CAB39: variants seen among roughly 807,000 people sequenced by gnomAD.
CAB39 encodes calcium-binding protein 39.
Under a neutral mutation model 40.0 loss-of-function variants are expected in CAB39, and 8 were observed. That is an observed-to-expected ratio of 0.20 (90% CI 0.12 to 0.36). The LOEUF is 0.36. CAB39 is among the 10% of genes least tolerant of loss of function. The probability of loss-of-function intolerance (pLI) is 1.00; values close to 1 mark genes in which losing one functional copy is unlikely to be tolerated. For synonymous variants in CAB39, 156 were observed against 141.6 expected, an observed-to-expected ratio of 1.10 and a Z score of -0.72; for missense variants, 270 against 401.1, an observed-to-expected ratio of 0.67 and a Z score of 2.79.
chr2:230,782,771 A>G (rs1695709515), intron 2 of CAB39, among the ~76,000 whole-genome samples: 2 of 149,640 alleles, frequency 1.3e-5, no homozygotes, highest in Non-Finnish European at 1.5e-5. Context: ...ATTTCCTCCA[A>G]CATTGAAACA....
intron 5 of CAB39, among the ~76,000 whole-genome samples, chr2:230,808,132 G>C (rs1400190672): frequency 6.7e-6 from 1 of 150,234 alleles, no homozygotes; most frequent in African/African-American, 2.5e-5. Flanking sequence ...TGTTGCCCAG[G>C]CTGGAGTGCA....
chr2:230,730,455 T>G (rs1694667344), intron 1 of CAB39, among the ~76,000 whole-genome samples: 2 of 151,666 alleles, frequency 1.3e-5, no homozygotes, highest in African/African-American at 2.4e-5. Context: ...CTTTTTTTTT[T>G]TTTTTTGAGA....
At chr2:230,794,738 G>A (rs1479807836) in intron 4 of CAB39, among the ~76,000 whole-genome samples, 1 of 152,148 alleles carries the variant, frequency 6.6e-6, no homozygotes, top group Non-Finnish European at 1.5e-5. Context: ...GAGGGAATAT[G>A]TAACATACCG....
chr2:230,773,006 A>T (rs970168626), intron 2 of CAB39, among the ~76,000 whole-genome samples: 1 of 143,480 alleles, frequency 7.0e-6, no homozygotes, highest in Non-Finnish European at 1.5e-5. Flanking sequence ...AAAAAAAACT[A>T]TTGCTGTATA....
intron 2 of CAB39, among the ~76,000 whole-genome samples, chr2:230,764,682 T>C (rs1364061769): frequency 6.6e-6 from 1 of 152,248 alleles, no homozygotes; most frequent in East Asian, 1.9e-4. Context: ...ACAAATATAG[T>C]TGGTCGTTTT....
chr2:230,794,193 C>T (rs1021542341), intron 4 of CAB39, among the ~76,000 whole-genome samples: 2 of 152,188 alleles, frequency 1.3e-5, no homozygotes, highest in East Asian at 1.9e-4. Context: ...CACGTCTCTG[C>T]GGTTTAACAC....
chr2:230,731,647 C>T (rs930892938), intron 1 of CAB39, among the ~76,000 whole-genome samples: 1 of 152,132 alleles, frequency 6.6e-6, no homozygotes, highest in Non-Finnish European at 1.5e-5. Flanking sequence ...GGACTACAGA[C>T]GAGCACCTGC....
At chr2:230,818,050 CA>C in intron 8 of CAB39, 153 bp downstream of exon 8, 1 of 679,510 alleles carries the variant, frequency 1.5e-6, no homozygotes, top group South Asian at 2.1e-5. Context: ...GACTTTTAAA[CA>C]GAAAGGTAGA....
intron 1 of CAB39, among the ~76,000 whole-genome samples, chr2:230,748,828 AAAAATATATATATATATATATATAT>A (rs1695028291): frequency 4.8e-5 from 3 of 62,776 alleles, no homozygotes; most frequent in African/African-American, 9.1e-5. Flanking sequence ...AAAAAAAAAA[AAAAATATATATATATATATATATAT>A]ATATATATAT....
chr2:230,722,916 C>G (rs186393978), intron 1 of CAB39, among the ~76,000 whole-genome samples: 2 of 152,140 alleles, frequency 1.3e-5, no homozygotes, highest in East Asian at 3.9e-4. Context: ...GTTGTTTTGT[C>G]TCAGTTGCAA....
chr2:230,746,347 C>T (rs913790342), intron 1 of CAB39, among the ~76,000 whole-genome samples: 1 of 152,168 alleles, frequency 6.6e-6, no homozygotes, highest in Non-Finnish European at 1.5e-5. Flanking sequence ...AGGGAGTACA[C>T]ATCACAGTAT....
At chr2:230,731,899 T>G (rs903644753) in intron 1 of CAB39, among the ~76,000 whole-genome samples, 1 of 152,204 alleles carries the variant, frequency 6.6e-6, no homozygotes, top group Non-Finnish European at 1.5e-5. Context: ...AATAGTTAGC[T>G]TTTTCGAACT....
Position 230,813,978 on chromosome 2 carries a change from C to CTTTTTTTTT in CAB39, c.628-45_628-37dup, listed in dbSNP as rs1160253213. ...CTAATTTACAATGTTACCTACCAGTCTTTTTTTTTTTTTTTTTTTTTTTTT... is the reference window on the plus strand; with the variant it reads ...CTAATTTACAATGTTACCTACCAGTCTTTTTTTTTTTTTTTTTTTTTTTTTTTTTTTTTT... On this transcript the variant is annotated intron_variant, in intron 6 of 8. Coordinates refer to ENST00000258418, the MANE Select transcript of CAB39 (RefSeq NM_016289.4). 116 of 113,114 alleles carry CTTTTTTTTT rather than the reference C, an allele frequency of 1.0e-3. 22 individuals are homozygous for CTTTTTTTTT. Among genetic ancestry groups the CTTTTTTTTT allele is most frequent in the African/African-American group, 2.0e-3 (16 of 8,048 alleles). 7.0% of individuals were successfully genotyped at this position (113,114 alleles called of 1,614,324 possible). A position where few individuals can be genotyped will look rare whatever the true frequency, so the allele number is the denominator to read the frequency against.
rs544558267 is a variant in CAB39, at chr2:230,765,312, T to G, written c.114+5197T>G. 1.7e-4 allele frequency among the ~76,000 whole-genome samples: 26 copies of G among 152,262 alleles called. No homozygotes were observed. In the South Asian group the frequency reaches 2.3e-3, roughly 13 times the overall value. The stretch of plus-strand genomic sequence containing the variant: ...AGACTGCAATAACTGCTATTAAAGT[T>G]TGGCGTCACTGCCTTTGTTCATGCT... On this transcript the variant is annotated intron_variant, in intron 2 of 8. Coordinates refer to ENST00000258418, the MANE Select transcript of CAB39 (RefSeq NM_016289.4).
chr2:230,788,496 G>A (rs1695834543), intron 2 of CAB39, among the ~76,000 whole-genome samples: 1 of 151,958 alleles, frequency 6.6e-6, no homozygotes, highest in African/African-American at 2.4e-5. Flanking sequence ...GGAAAATTTT[G>A]TTTAATACTG....
At chr2:230,769,560 A>T (rs934158887) in intron 2 of CAB39, among the ~76,000 whole-genome samples, 1 of 152,236 alleles carries the variant, frequency 6.6e-6, no homozygotes, top group African/African-American at 2.4e-5. Context: ...TATACAATGG[A>T]TGTTCCAAGA....
chr2:230,795,928 G>A (rs567681458), intron 4 of CAB39, among the ~76,000 whole-genome samples: 141 of 151,984 alleles, frequency 9.3e-4, no homozygotes, highest in Non-Finnish European at 1.6e-3. Flanking sequence ...ATAAACTCAC[G>A]TTTTTGTCTT....
At chr2:230,714,582 A>T (rs2124841110) in intron 1 of CAB39, among the ~76,000 whole-genome samples, 1 of 152,366 alleles carries the variant, frequency 6.6e-6, no homozygotes, top group East Asian at 1.9e-4. Flanking sequence ...CTTTGGAATT[A>T]CTAAGCTAAA....
chr2:230,768,446 TTAGA>T (rs1280949379), intron 2 of CAB39, among the ~76,000 whole-genome samples: 1 of 152,228 alleles, frequency 6.6e-6, no homozygotes, highest in Non-Finnish European at 1.5e-5. Context: ...TTTTTCCCTA[TTAGA>T]TAAATAATCA....
Sources: gnomAD v4.1 joint callset for allele counts (sites outside exome capture counted in the v4.1 genomes callset) on GRCh38, gnomAD v4.1.1 for gene constraint, MANE v1.5 for transcripts, NCBI Gene and HGNC (gene_info 2026-07-23, HGNC 2026-07-21) for gene names.